The following AOPEP variants were observed in gnomAD, a reference collection of about 807,000 sequenced individuals.
AOPEP encodes aminopeptidase O (putative), also known as aminopeptidase O.
In AOPEP, 77 loss-of-function variants were observed where a neutral mutation model predicts 98.1. The observed-to-expected ratio is 0.78, with a 90% confidence interval of 0.65 to 0.95. The LOEUF (loss-of-function observed/expected upper bound fraction) is 0.95. AOPEP is among the 40% of genes least tolerant of loss of function. The pLI is 0.00. For missense variants in AOPEP, 1,024 were observed against 1,024.7 expected (o/e 1.00, Z 0.01); for synonymous variants, 346 against 365.3 (o/e 0.95, Z 0.60).
chr9:94,750,140 G>T (rs1835352761), intron 1 of AOPEP, among the ~76,000 whole-genome samples: 1 of 152,208 alleles, frequency 6.6e-6, no homozygotes. Context: ...TACTTGCATG[G>T]TTCAGGGGAC....
intron 13 of AOPEP, among the ~76,000 whole-genome samples, chr9:95,009,494 T>C (rs1342005781): frequency 6.6e-6 from 1 of 152,148 alleles, no homozygotes; most frequent in Non-Finnish European, 1.5e-5. Context: ...AGAACTAGTT[T>C]TACAGTGCTC....
intron 1 of AOPEP, among the ~76,000 whole-genome samples, chr9:94,751,483 G>A (rs1447609544): frequency 6.6e-6 from 1 of 152,196 alleles, no homozygotes; most frequent in Non-Finnish European, 1.5e-5. Context: ...GACTTAATTG[G>A]TGAGGTCAGG....
At chr9:95,132,369 G>A in the AOPEP span, among the ~76,000 whole-genome samples, 2 of 152,328 alleles carry the variant, frequency 1.3e-5, no homozygotes, top group East Asian at 1.9e-4. Context: ...TTGGGAAACC[G>A]AACAATGCCA....
intron 9 of AOPEP, among the ~76,000 whole-genome samples, chr9:94,965,627 C>G (rs1168578604): frequency 6.6e-6 from 1 of 152,258 alleles, no homozygotes; most frequent in East Asian, 1.9e-4. Flanking sequence ...TGGGTCTCAT[C>G]AGAGTCCTGT....
chr9:94,990,981 A>C (rs1299094395), intron 11 of AOPEP, among the ~76,000 whole-genome samples: 1 of 152,222 alleles, frequency 6.6e-6, no homozygotes, highest in African/African-American at 2.4e-5. Flanking sequence ...TGGAAGGTAA[A>C]GCCCGGCAAA....
In AOPEP at chr9:94,979,201, G is replaced by C. The variant is rs138245094; in HGVS notation, c.1917-166G>C. 3.9e-5 allele frequency among the ~76,000 whole-genome samples: 6 copies of C among 152,174 alleles called. No homozygotes were observed. The East Asian group carries it at 1.2e-3, about 29-fold the overall frequency. On this transcript the variant is annotated intron_variant, in intron 10 of 16. Transcript: ENST00000375315. ...TGAAGAGGAGCGGTCTCATGTGACT[G>C]GGCTCCCTTCCACACTTCAACCCAG...
intron 5 of AOPEP, among the ~76,000 whole-genome samples, chr9:94,841,146 C>G (rs1470081436): frequency 6.6e-6 from 1 of 151,564 alleles, no homozygotes; most frequent in Non-Finnish European, 1.5e-5. Context: ...CCTTTAAGCA[C>G]TGCTTTAGCT....
chr9:94,837,875 A>G (rs918028870), intron 5 of AOPEP, among the ~76,000 whole-genome samples: 1 of 152,170 alleles, frequency 6.6e-6, no homozygotes, highest in Non-Finnish European at 1.5e-5. Context: ...CACTCTCACC[A>G]CTTCTATTCA....
chr9:95,047,898 T>C (rs2065985144), intron 13 of AOPEP, among the ~76,000 whole-genome samples: 2 of 152,222 alleles, frequency 1.3e-5, no homozygotes, highest in Admixed American at 1.3e-4. Flanking sequence ...CTGATTTTAG[T>C]GTGAACAGTT....
At chr9:94,961,830 A>AGTT (rs143539139) in intron 9 of AOPEP, among the ~76,000 whole-genome samples, 2 of 151,692 alleles carry the variant, frequency 1.3e-5, no homozygotes, top group Admixed American at 6.6e-5. Context: ...TTTCTATGTG[A>AGTT]GTTGTTGTTG....
chr9:95,103,366 G>T, the AOPEP span, among the ~76,000 whole-genome samples: 1 of 152,156 alleles, frequency 6.6e-6, no homozygotes, highest in Non-Finnish European at 1.5e-5. Context: ...ACCAAGAGTG[G>T]GTTCAATTCA....
chr9:95,137,734 C>G, the AOPEP span, among the ~76,000 whole-genome samples: 2 of 152,136 alleles, frequency 1.3e-5, no homozygotes, highest in Non-Finnish European at 2.9e-5. Context: ...GTGTCAGAAC[C>G]CCAAGGGAGG....
chr9:95,070,029 GAGAAA>G (rs2068316375), intron 14 of AOPEP, among the ~76,000 whole-genome samples: 1 of 152,234 alleles, frequency 6.6e-6, no homozygotes, highest in Non-Finnish European at 1.5e-5. Flanking sequence ...AAAGGTGAGA[GAGAAA>G]AGAAAAGAAT....
intron 1 of AOPEP, among the ~76,000 whole-genome samples, chr9:94,736,992 G>A (rs1056127190): frequency 1.3e-5 from 2 of 152,250 alleles, no homozygotes; most frequent in Non-Finnish European, 2.9e-5. Flanking sequence ...CAGCCATTCA[G>A]AGCTTGTCTA....
At chr9:94,729,002 TG>T (rs748689037) in intron 1 of AOPEP, among the ~76,000 whole-genome samples, 5 of 152,174 alleles carry the variant, frequency 3.3e-5, no homozygotes, top group Non-Finnish European at 5.9e-5. Context: ...CAGGGTTTGA[TG>T]GGGAGACTAG....
intron 14 of AOPEP, among the ~76,000 whole-genome samples, chr9:95,070,053 A>T (rs1480446778): frequency 6.6e-6 from 1 of 152,242 alleles, no homozygotes; most frequent in Non-Finnish European, 1.5e-5. Context: ...ATGAAAACAC[A>T]AATGTGGACA....
At chr9:95,045,011 A>T (rs949484450) in intron 13 of AOPEP, among the ~76,000 whole-genome samples, 5 of 152,132 alleles carry the variant, frequency 3.3e-5, no homozygotes, top group Non-Finnish European at 7.4e-5. Context: ...TTTTATATTC[A>T]TGCTCAGAAA....
chr9:94,734,174 C>T (rs1045897558), intron 1 of AOPEP, among the ~76,000 whole-genome samples: 2 of 152,152 alleles, frequency 1.3e-5, no homozygotes, highest in African/African-American at 4.8e-5. Context: ...ACAGCTGCAG[C>T]GCCGGGAACA....
chr9:94,982,551 A>C (rs112631983), intron 11 of AOPEP, among the ~76,000 whole-genome samples: 1 of 150,196 alleles, frequency 6.7e-6, no homozygotes, highest in Non-Finnish European at 1.5e-5. Flanking sequence ...CCTTAATATA[A>C]TTCAAGAGCA....
Sources: allele counts gnomAD v4.1 joint callset (sites outside exome capture counted in the v4.1 genomes callset), GRCh38; gene constraint gnomAD v4.1.1; transcripts MANE v1.5; gene names NCBI Gene and HGNC (gene_info 2026-07-23, HGNC 2026-07-21).